Variants in PLEKHH1 observed in about 807,000 individuals in gnomAD.
PLEKHH1 encodes pleckstrin homology, MyTH4 and FERM domain containing H1, also known as pleckstrin homology domain-containing family H member 1.
Under a neutral mutation model 160.0 loss-of-function variants are expected in PLEKHH1, and 104 were observed. The observed-to-expected ratio is 0.65, with a 90% CI of 0.55 to 0.76. PLEKHH1 has a LOEUF of 0.76. Among genes scored for constraint, PLEKHH1 ranks in the 30% least tolerant of loss-of-function variants. The probability of loss-of-function intolerance (pLI) is 0.00; values close to 1 mark genes in which losing one functional copy is unlikely to be tolerated. For synonymous variants in PLEKHH1, 619 were observed against 678.4 expected (o/e 0.91, Z 1.36); for missense variants, 1,427 against 1,724.1 (o/e 0.83, Z 3.05).
chr14:67,573,420 AG>A lies in PLEKHH1; in HGVS notation c.1839+36del. 1 of 1,228,322 alleles carries A rather than the reference AG, an allele frequency of 8.1e-7. No individual in the cohort carries two copies. The highest frequency in any genetic ancestry group is 1.2e-6 in the Non-Finnish European group (1 of 828,886). The allele number at this position is 1,228,322 out of a possible 1,614,324, so 76.1% of individuals were successfully genotyped here. A position where few individuals can be genotyped will look rare whatever the true frequency, so the allele number is the denominator to read the frequency against. ...CTCCCCGCCCAGCACTGCAGTCAAAAGGTCTCCACATCACACCCTGGACTAT... is the reference window on the plus strand; with the variant it reads ...CTCCCCGCCCAGCACTGCAGTCAAAAGTCTCCACATCACACCCTGGACTAT... On this transcript the variant is annotated intron_variant, in intron 12 of 28. Transcript: ENST00000329153. This position sits in a 1 kb window ranked among gnomAD's most constrained non-coding sequence, Gnocchi z 4.8.
chr14:67,573,072 T>C lies in PLEKHH1; in HGVS notation c.1729-204T>C, dbSNP rs2035463023. 6.6e-6 allele frequency among the ~76,000 whole-genome samples: 1 copy of C among 152,240 alleles called. No individual in the cohort carries two copies. Among genetic ancestry groups the C allele is most frequent in the Admixed American group, 6.5e-5 (1 of 15,286 alleles). ...CCCCAGCTAGCATGGGAGCCCTTCCTTGGCAGGACCACCCATGTTTTATTT... is the reference window on the plus strand; with the variant it reads ...CCCCAGCTAGCATGGGAGCCCTTCCCTGGCAGGACCACCCATGTTTTATTT... On this transcript the variant is annotated intron_variant, in intron 11 of 28. Coordinates refer to ENST00000329153, the MANE Select transcript of PLEKHH1 (RefSeq NM_020715.3). The surrounding 1 kb of genome is among the most constrained non-coding windows in gnomAD (Gnocchi z 4.8).
chr14:67,579,783 AG>A lies in PLEKHH1; in HGVS notation c.3092del (p.Gly1031AlafsTer2), dbSNP rs1433875805. The A allele has an allele frequency of 2.5e-6, 4 of 1,612,416 alleles. No homozygotes were observed. On this transcript the variant is annotated frameshift_variant, in exon 22 of 29. Coordinates refer to ENST00000329153, the MANE Select transcript of PLEKHH1 (RefSeq NM_020715.3). LOFTEE classifies it high-confidence loss of function. ...EFLQRLNQEI[G>X]MRKPSHSGFA... ...TCCTCCAGCGGCTGAACCAGGAGAT[AG>A]GCATGAGAAAGCCATCCCACTCTGG...
chr14:67,575,292 A>G (rs1038377087), intron 14 of PLEKHH1, 100 bp from the exon 15 acceptor site: 2 of 696,046 alleles, frequency 2.9e-6, no homozygotes, highest in Non-Finnish European at 4.9e-6. Context: ...CATCTCTACC[A>G]TAGGTCAAAT....
intron 7 of PLEKHH1, among the ~76,000 whole-genome samples, chr14:67,565,962 A>G (rs1317518618): frequency 6.6e-6 from 1 of 152,128 alleles, no homozygotes; most frequent in Non-Finnish European, 1.5e-5. Context: ...TCTACTAAAA[A>G]TACAAAAATT....
rs1445821831 is a variant in PLEKHH1, at chr14:67,586,518, C to T, written c.3933+421C>T. The stretch of plus-strand genomic sequence containing the variant: ...CATTAGCTACAAAGTGGGACAGTCC[C>T]ACAGTGCTCCCTCTTCCTTGTTGTG... On this transcript the variant is annotated intron_variant, in intron 28 of 28. Coordinates refer to ENST00000329153, the MANE Select transcript of PLEKHH1 (RefSeq NM_020715.3). The T allele has an allele frequency of 3.8e-6, 3 of 787,508 alleles. No homozygotes were observed. The East Asian group carries it at 1.9e-4, about 49-fold the overall frequency. The allele number at this position is 787,508 out of a possible 1,614,324, so 48.8% of individuals were successfully genotyped here.
At chr14:67,569,031 C>G in intron 7 of PLEKHH1, 107 bp from the exon 8 acceptor site, 1 of 690,172 alleles carries the variant, frequency 1.4e-6, no homozygotes. Context: ...TCACTGCCCC[C>G]CACAGGTCTG....
intron 1 of PLEKHH1, among the ~76,000 whole-genome samples, chr14:67,534,865 T>C (rs1179415033): frequency 6.6e-6 from 1 of 152,218 alleles, no homozygotes; most frequent in East Asian, 1.9e-4. Flanking sequence ...TTTCTGGGAC[T>C]TTATCCTTCA....
intron 3 of PLEKHH1, among the ~76,000 whole-genome samples, chr14:67,556,785 A>G (rs1336131458): frequency 1.3e-5 from 2 of 152,214 alleles, no homozygotes; most frequent in Admixed American, 1.3e-4. Context: ...ATGATGCACC[A>G]TTTCCACTTG....
chr14:67,563,016 A>G (rs1414901141), intron 7 of PLEKHH1, 122 bp downstream of exon 7: 1 of 1,004,146 alleles, frequency 1.0e-6, no homozygotes, highest in Non-Finnish European at 1.4e-6. Context: ...TGGCCCTGGC[A>G]GGCAGGTACC....
chr14:67,558,522 ATAGT>A (rs2034687878), intron 4 of PLEKHH1, among the ~76,000 whole-genome samples: 1 of 152,218 alleles, frequency 6.6e-6, no homozygotes, highest in Non-Finnish European at 1.5e-5. Context: ...TGAGTAGCTC[ATAGT>A]TAGAAGTGGC....
At chr14:67,569,017 C>G (rs1352278021) in intron 7 of PLEKHH1, 121 bp from the exon 8 acceptor site, 11 of 618,900 alleles carry the variant, frequency 1.8e-5, no homozygotes, top group Non-Finnish European at 2.8e-5. Context: ...GATTTGTTAG[C>G]CAGTCACTGC....
In PLEKHH1 at chr14:67,580,939, T is replaced by C; in HGVS notation, c.3185T>C (p.Ile1062Thr). The stretch of plus-strand genomic sequence containing the variant: ...ACTTTCTTCTTTTGCCTTTTCAAGA[T>C]CTGTGATGCCATCTCCAAGTGGGAA... ...LEHCLQGSVK[I>T]CDAISKWEQA... is the part of the protein sequence containing the mutation. Residue 1062 changes from isoleucine to threonine, a missense_variant and splice_region_variant, in exon 23 of 29, where the codon ATC (isoleucine) becomes ACC (threonine). Ile to Thr is a moderately conservative substitution (Grantham distance 89). This residue lies in a region of PLEKHH1 where 436 missense variants were observed against 607.5 expected (regional missense o/e 0.72). Coordinates refer to ENST00000329153, the MANE Select transcript of PLEKHH1 (RefSeq NM_020715.3). 5 of 1,607,498 alleles carry C rather than the reference T, an allele frequency of 3.1e-6. No homozygotes were observed. Among genetic ancestry groups the C allele is most frequent in the Non-Finnish European group, 4.3e-6 (5 of 1,173,942 alleles).
chr14:67,586,525 C>T (rs1010742644), intron 28 of PLEKHH1: 11 of 738,228 alleles, frequency 1.5e-5, no homozygotes, highest in Middle Eastern at 3.2e-4. Context: ...TCCCACAGTG[C>T]TCCCTCTTCC....
At position 67,576,533 on chromosome 14, in the gene PLEKHH1, G is replaced by T. The variant is rs762685594; in HGVS notation, c.2461+30G>T. On this transcript the variant is annotated intron_variant, in intron 17 of 28. Transcript: ENST00000329153. The surrounding 1 kb of genome is among the most constrained non-coding windows in gnomAD (Gnocchi z 4.0). Reference sequence around the variant, plus strand: ...GGCAAGGGTGGCCACCACTGCTTGGGTTGGAGGGTAGTGGCTTGGTGACTA... The same window carrying T: ...GGCAAGGGTGGCCACCACTGCTTGGTTTGGAGGGTAGTGGCTTGGTGACTA... The T allele has an allele frequency of 3.6e-6, 4 of 1,098,390 alleles. No individual in the cohort carries two copies. The highest frequency in any genetic ancestry group is 5.6e-6 in the Non-Finnish European group (4 of 711,142). 68.0% of individuals were successfully genotyped at this position (1,098,390 alleles called of 1,614,324 possible). A position where few individuals can be genotyped will look rare whatever the true frequency, so the allele number is the denominator to read the frequency against.
intron 9 of PLEKHH1, 182 bp from the exon 10 acceptor site, chr14:67,571,570 G>T: frequency 1.8e-6 from 1 of 568,534 alleles, no homozygotes; most frequent in South Asian, 2.3e-5. Context: ...GGCCTGAGAA[G>T]CATGGAGGTC....
rs1309217974 is a variant in PLEKHH1, at chr14:67,578,578, G to A, written c.2796G>A (p.Gln932=). 4 of 1,612,262 alleles carry A rather than the reference G, an allele frequency of 2.5e-6. No homozygotes were observed. The African/African-American group carries it at 4.0e-5, about 16-fold the overall frequency. ...LALCAPLFLP[Q]HHFLWYVKQQ... is the part of the protein sequence containing the mutation. ...TGTGTGCTCCACTTTTCCTGCCTCAGCATCACTTCCTCTGGTATGTCAAGC... is the reference window on the plus strand; with the variant it reads ...TGTGTGCTCCACTTTTCCTGCCTCAACATCACTTCCTCTGGTATGTCAAGC... Residue 932 remains glutamine, a synonymous_variant, in exon 20 of 29, where the codon CAG becomes CAA. Transcript: ENST00000329153. The surrounding 1 kb of genome is among the most constrained non-coding windows in gnomAD (Gnocchi z 5.0).
rs1427491583 is a variant in PLEKHH1, at chr14:67,588,211, T to C, written c.*976T>C. Reference sequence around the variant, plus strand: ...CAGGAGGTAGGTCCAATCTGACCCCTCCCTGTCTCATTTTAATGACTGGAC... The same window carrying C: ...CAGGAGGTAGGTCCAATCTGACCCCCCCCTGTCTCATTTTAATGACTGGAC... On this transcript the variant is annotated 3_prime_UTR_variant, in exon 29 of 29. Coordinates refer to ENST00000329153, the MANE Select transcript of PLEKHH1 (RefSeq NM_020715.3). 1 of 152,612 alleles carries C rather than the reference T, an allele frequency of 6.6e-6. No individual in the cohort carries two copies. Among genetic ancestry groups the C allele is most frequent in the Non-Finnish European group, 1.5e-5 (1 of 68,032 alleles). The allele number at this position is 152,612 out of a possible 1,614,324, so 9.5% of individuals were successfully genotyped here.
intron 28 of PLEKHH1, 43 bp downstream of exon 28, chr14:67,586,140 T>C: frequency 6.2e-7 from 1 of 1,604,352 alleles, no homozygotes; most frequent in East Asian, 2.2e-5. Context: ...TGGCAAGATG[T>C]GGTGGGCTTG....
intron 26 of PLEKHH1, 22 bp downstream of exon 26, chr14:67,584,146 T>G (rs1395565436): frequency 1.2e-6 from 2 of 1,610,254 alleles, no homozygotes. Context: ...TGGAAGGAGC[T>G]GCCCACACCC....
Sources: allele counts gnomAD v4.1 joint callset (sites outside exome capture counted in the v4.1 genomes callset), GRCh38; gene constraint gnomAD v4.1.1; regional missense constraint gnomAD v4.1.1; non-coding constraint Gnocchi (gnomAD v3.1); transcripts MANE v1.5; gene names NCBI Gene and HGNC (gene_info 2026-07-23, HGNC 2026-07-21).